The following MS4A14 variants were observed in gnomAD, a reference collection of about 807,000 sequenced individuals.
MS4A14 encodes the protein membrane spanning 4-domains A14.
A neutral mutation model predicts 16.7 loss-of-function variants in MS4A14; 18 were observed. That is an observed-to-expected ratio of 1.08 (90% CI 0.75 to 1.60). MS4A14 has a LOEUF of 1.60. Ranked by LOEUF, MS4A14 falls within the 40% of genes most tolerant of loss-of-function variation. MS4A14 has a pLI of 0.00. For missense variants in MS4A14, 812 were observed against 775.3 expected (o/e 1.05, Z -0.56); for synonymous variants, 305 against 289.4 (o/e 1.05, Z -0.55).
intron 2 of MS4A14, among the ~76,000 whole-genome samples, chr11:60,399,185 C>A (rs542113439): frequency 6.6e-6 from 1 of 152,176 alleles, no homozygotes; most frequent in Non-Finnish European, 1.5e-5. Context: ...TCAAAAGTAA[C>A]CCCAAATATT....
chr11:60,401,377 C>T (rs140012371), intron 3 of MS4A14, among the ~76,000 whole-genome samples: 13 of 152,278 alleles, frequency 8.5e-5, no homozygotes, highest in Admixed American at 6.5e-4. Flanking sequence ...TACATGCAGA[C>T]AATGCAGATG....
rs370935983 is a variant in MS4A14 at position 60,416,645 on chromosome 11, G to A, written c.1677G>A (p.Glu559=). The A allele has an allele frequency of 5.0e-6, 8 of 1,613,688 alleles. No individual in the cohort carries two copies. In the African/African-American group the frequency reaches 8.0e-5, roughly 16 times the overall value. The change falls in exon 5 of 5, where the codon GAG becomes GAA. Residue 559 remains glutamate (E), a synonymous_variant. Transcript: ENST00000300187. ...AAGCTCAACTTAATCAAACTAAAGA[G>A]CAACTCCCAGATCAGCAAGCTGAAG... is the stretch of plus-strand genomic sequence containing the variant. ...DKQAQLNQTK[E]QLPDQQAEDQ...
At chr11:60,406,559 C>G (rs2135137123) in intron 4 of MS4A14, among the ~76,000 whole-genome samples, 1 of 152,296 alleles carries the variant, frequency 6.6e-6, no homozygotes, top group African/African-American at 2.4e-5. Flanking sequence ...TCTCCAGTAC[C>G]ACATAACATC....
chr11:60,414,668 G>A (rs562808471), intron 4 of MS4A14, among the ~76,000 whole-genome samples: 2 of 152,036 alleles, frequency 1.3e-5, no homozygotes, highest in Non-Finnish European at 2.9e-5. Flanking sequence ...TATTTGTAAA[G>A]GAAAGTCCAA....
At chr11:60,409,178 C>A (rs531429054) in intron 4 of MS4A14, among the ~76,000 whole-genome samples, 1 of 152,078 alleles carries the variant, frequency 6.6e-6, no homozygotes, top group Non-Finnish European at 1.5e-5. Flanking sequence ...TTCTAGTCAC[C>A]TGGAAATATA....
At position 60,416,107 on chromosome 11, in the gene MS4A14, T is replaced by G; in HGVS notation, c.1139T>G (p.Met380Arg). The change falls in exon 5 of 5, where the codon ATG (methionine) becomes AGG (arginine). Residue 380 changes from methionine to arginine, a missense_variant. Physicochemically the swap from Met to Arg is moderately conservative, Grantham distance 91. Coordinates refer to ENST00000300187, the MANE Select transcript of MS4A14 (RefSeq NM_032597.5). The stretch of plus-strand genomic sequence containing the variant: ...TTTCATGACATGACATCCCAAGATA[T>G]GCAATCCCTAGATATGCTATCTCAA... Reference protein sequence around the residue: ...MLFHDMTSQDMQSLDMLSQDT... With the variant: ...MLFHDMTSQDRQSLDMLSQDT... The G allele has an allele frequency of 6.2e-7, 1 of 1,609,630 alleles. No individual in the cohort carries two copies. The highest frequency in any genetic ancestry group is 8.5e-7 in the Non-Finnish European group (1 of 1,177,802).
chr11:60,401,547 C>G (rs1371690401), intron 3 of MS4A14, among the ~76,000 whole-genome samples: 1 of 152,220 alleles, frequency 6.6e-6, no homozygotes, highest in Non-Finnish European at 1.5e-5. Flanking sequence ...GAAGACCTGG[C>G]TTTTCATCAC....
chr11:60,413,782 C>T (rs754123848), intron 4 of MS4A14, among the ~76,000 whole-genome samples: 20 of 152,006 alleles, frequency 1.3e-4, no homozygotes, highest in Admixed American at 2.0e-4. Flanking sequence ...TCTACATTTA[C>T]GGAGAAATTT....
At position 60,416,818 on chromosome 11, in the gene MS4A14, C is replaced by A. The variant is rs144309625; in HGVS notation, c.1850C>A (p.Pro617Gln). The part of the protein sequence containing the change: ...EDQPAQEKKS[P>Q]KGQFQNVQAE... ...CAGCCGGCCCAAGAGAAGAAATCCCCGAAAGGACAATTCCAAAATGTTCAA... is the reference window on the plus strand; with the variant it reads ...CAGCCGGCCCAAGAGAAGAAATCCCAGAAAGGACAATTCCAAAATGTTCAA... The change falls in exon 5 of 5, where the codon CCG (proline) becomes CAG (glutamine). Residue 617 changes from proline to glutamine, a missense_variant. Coordinates refer to ENST00000300187, the MANE Select transcript of MS4A14 (RefSeq NM_032597.5). 1.2e-6 allele frequency: 2 copies of A among 1,613,452 alleles called. No individual in the cohort carries two copies. The highest frequency in any genetic ancestry group is 1.3e-5 in the African/African-American group (1 of 74,828).
At chr11:60,405,871 T>C in intron 4 of MS4A14, 2 of 1,492,548 alleles carry the variant, frequency 1.3e-6, no homozygotes, top group Non-Finnish European at 1.8e-6. Context: ...ACCATTTATT[T>C]CTCCTCATTA....
chr11:60,413,224 C>CT (rs966443839), intron 4 of MS4A14, among the ~76,000 whole-genome samples: 7 of 151,380 alleles, frequency 4.6e-5, no homozygotes, highest in South Asian at 2.1e-4. Flanking sequence ...GTTCCCATAG[C>CT]TTTTTTTTAA....
At chr11:60,413,012 C>G (rs886949276) in intron 4 of MS4A14, among the ~76,000 whole-genome samples, 2 of 151,898 alleles carry the variant, frequency 1.3e-5, no homozygotes, top group Non-Finnish European at 2.9e-5. Flanking sequence ...CATCTCATTT[C>G]ATTTCTCTCA....
At position 60,417,244 on chromosome 11, in the gene MS4A14, C is replaced by T. The variant is rs1200616045; in HGVS notation, c.*236C>T. On this transcript the variant is annotated 3_prime_UTR_variant, in exon 5 of 5. Coordinates refer to ENST00000300187, the MANE Select transcript of MS4A14 (RefSeq NM_032597.5). ...AAAAAGGAGATATGTACACTAGAGA[C>T]ATCAAACCAGGGGACATGAAATGTA... The T allele has an allele frequency of 7.0e-6, 3 of 428,090 alleles. No homozygotes were observed. The highest frequency in any genetic ancestry group is 4.2e-5 in the Admixed American group (1 of 23,672). The allele number at this position is 428,090 out of a possible 1,614,324, so 26.5% of individuals were successfully genotyped here. A position where few individuals can be genotyped will look rare whatever the true frequency, so the allele number is the denominator to read the frequency against.
intron 4 of MS4A14, among the ~76,000 whole-genome samples, chr11:60,414,145 G>A (rs1189407762): frequency 6.6e-6 from 1 of 152,034 alleles, no homozygotes; most frequent in Non-Finnish European, 1.5e-5. Flanking sequence ...TAGCACTTAA[G>A]AGCTTTAATA....
chr11:60,403,774 C>G (rs2085748749), intron 4 of MS4A14, among the ~76,000 whole-genome samples: 1 of 152,108 alleles, frequency 6.6e-6, no homozygotes, highest in Non-Finnish European at 1.5e-5. Context: ...TATTTTATTC[C>G]TACCAGCTAT....
chr11:60,399,443 G>A (rs1363967951), intron 2 of MS4A14, among the ~76,000 whole-genome samples: 1 of 152,110 alleles, frequency 6.6e-6, no homozygotes, highest in African/African-American at 2.4e-5. Context: ...ATAAAGGTAG[G>A]GTGTAACCAG....
chr11:60,411,865 T>C (rs906001843), intron 4 of MS4A14, among the ~76,000 whole-genome samples: 4 of 152,280 alleles, frequency 2.6e-5, no homozygotes, highest in Non-Finnish European at 5.9e-5. Flanking sequence ...GGAAAGCTTT[T>C]AATCTTTCAC....
intron 4 of MS4A14, among the ~76,000 whole-genome samples, chr11:60,408,103 T>G (rs1342718086): frequency 6.6e-6 from 1 of 152,178 alleles, no homozygotes; most frequent in Non-Finnish European, 1.5e-5. Flanking sequence ...TCCCCCCTCA[T>G]GGAGATATCC....
Position 60,416,655 on chromosome 11 carries a change from G to A in MS4A14, c.1687G>A (p.Asp563Asn). 6.2e-7 allele frequency: 1 copy of A among 1,613,752 alleles called. No homozygotes were observed. Among genetic ancestry groups the A allele is most frequent in the Non-Finnish European group, 8.5e-7 (1 of 1,179,928 alleles). ...QLNQTKEQLP[D>N]QQAEDQQAKG... ...TAATCAAACTAAAGAGCAACTCCCAGATCAGCAAGCTGAAGATCAGCAAGC... is the reference window on the plus strand; with the variant it reads ...TAATCAAACTAAAGAGCAACTCCCAAATCAGCAAGCTGAAGATCAGCAAGC... The change falls in exon 5 of 5, where the codon GAT (aspartate) becomes AAT (asparagine). Residue 563 changes from aspartate to asparagine, a missense_variant. Transcript: ENST00000300187.
Sources: allele counts gnomAD v4.1 joint callset (sites outside exome capture counted in the v4.1 genomes callset), GRCh38; gene constraint gnomAD v4.1.1; transcripts MANE v1.5; gene names NCBI Gene and HGNC (gene_info 2026-07-23, HGNC 2026-07-21).